Variants in LINGO2 observed in about 807,000 individuals in gnomAD.
The protein encoded by LINGO2 is leucine rich repeat and Ig domain containing 2, also known as leucine-rich repeat and immunoglobulin-like domain-containing nogo receptor-interacting protein 2.
Under a neutral mutation model 30.6 loss-of-function variants are expected in LINGO2, and 14 were observed. The ratio of observed to expected loss-of-function variants is 0.46; its 90% CI spans 0.30 to 0.72. The LOEUF is 0.72. Ranked by LOEUF, LINGO2 falls within the 30% of genes least tolerant of loss-of-function variation. LINGO2 has a pLI of 0.07. For synonymous variants in LINGO2, 317 were observed against 288.5 expected, an observed-to-expected ratio of 1.10 and a Z score of -1.00; for missense variants, 729 against 751.7, an observed-to-expected ratio of 0.97 and a Z score of 0.35.
At chr9:28,698,371 A>G in the LINGO2 span, among the ~76,000 whole-genome samples, 1 of 152,038 alleles carries the variant, frequency 6.6e-6, no homozygotes, top group Non-Finnish European at 1.5e-5. Flanking sequence ...TATCTTTTCA[A>G]TGGAACTAGA....
At chr9:28,257,399 G>T (rs1414712107) in intron 4 of LINGO2, among the ~76,000 whole-genome samples, 1 of 151,778 alleles carries the variant, frequency 6.6e-6, no homozygotes, top group Non-Finnish European at 1.5e-5. Context: ...GTCCGCAGGA[G>T]AGTAGTCCTT....
At chr9:28,003,384 T>TAGAG (rs199644965) in intron 5 of LINGO2, among the ~76,000 whole-genome samples, 1 of 142,152 alleles carries the variant, frequency 7.0e-6, no homozygotes, top group Non-Finnish European at 1.5e-5. Flanking sequence ...GATAGATAGA[T>TAGAG]ATAGAGAGAG....
At chr9:28,574,174 G>A (rs918276080) in intron 1 of LINGO2, among the ~76,000 whole-genome samples, 3 of 152,164 alleles carry the variant, frequency 2.0e-5, no homozygotes, top group African/African-American at 7.2e-5. Context: ...ATGTGAGTGT[G>A]TGTGAGAAAC....
intron 2 of LINGO2, among the ~76,000 whole-genome samples, chr9:28,442,079 T>A (rs1395802931): frequency 6.6e-6 from 1 of 152,148 alleles, no homozygotes; most frequent in African/African-American, 2.4e-5. Context: ...TTTAGTGTTT[T>A]GCCTGTGATC....
the LINGO2 span, among the ~76,000 whole-genome samples, chr9:28,705,878 A>G: frequency 6.6e-5 from 10 of 152,056 alleles, no homozygotes; most frequent in Non-Finnish European, 1.0e-4. Context: ...TTTGGAGGGC[A>G]TAAGTTTGCT....
chr9:28,083,207 T>C (rs1825820907), intron 4 of LINGO2, among the ~76,000 whole-genome samples: 1 of 152,226 alleles, frequency 6.6e-6, no homozygotes, highest in Admixed American at 6.6e-5. Context: ...GACATCCCTG[T>C]GGGCAGGAAG....
Position 27,986,252 on chromosome 9 carries a change from A to AACACAC in LINGO2, c.-36+26097_-36+26102dup, listed in dbSNP as rs144531403. 5.3e-5 allele frequency among the ~76,000 whole-genome samples: 8 copies of AACACAC among 150,326 alleles called. No homozygotes were observed. In the South Asian group the frequency reaches 1.3e-3, roughly 23 times the overall value. ...TTCCAGTGACCACATTCCCCAACTC[A>AACACAC]ACACACACACACACACAGAGCAGTT... On this transcript the variant is annotated intron_variant, in intron 5 of 5. Coordinates refer to ENST00000379992, the Ensembl canonical transcript of LINGO2.
the LINGO2 span, among the ~76,000 whole-genome samples, chr9:29,190,772 T>C: frequency 1.3e-5 from 2 of 152,176 alleles, no homozygotes; most frequent in African/African-American, 4.8e-5. Flanking sequence ...AATAAGACAA[T>C]TTTAAAATTA....
intron 4 of LINGO2, among the ~76,000 whole-genome samples, chr9:28,268,473 G>A (rs553387990): frequency 6.6e-6 from 1 of 152,138 alleles, no homozygotes; most frequent in Admixed American, 6.6e-5. Flanking sequence ...TGCATTTATT[G>A]ATTCAGGTGG....
chr9:28,674,944 T>G (rs1829160718), upstream of LINGO2, among the ~76,000 whole-genome samples: 2 of 152,100 alleles, frequency 1.3e-5, no homozygotes, highest in Non-Finnish European at 1.5e-5. Context: ...TACACTACAT[T>G]GGGGAAAGAC....
chr9:28,889,447 T>A, the LINGO2 span, among the ~76,000 whole-genome samples: 429 of 146,926 alleles, frequency 2.9e-3, 2 homozygotes, highest in African/African-American at 9.3e-3. Flanking sequence ...GTTTTTTTTT[T>A]AATTTTAAAA....
chr9:28,618,929 G>A (rs534184442), intron 1 of LINGO2, among the ~76,000 whole-genome samples: 1 of 152,114 alleles, frequency 6.6e-6, no homozygotes, highest in Non-Finnish European at 1.5e-5. Context: ...TACCTGTCAG[G>A]CTTGGACTAG....
chr9:28,299,714 G>A (rs1177116771), intron 3 of LINGO2, among the ~76,000 whole-genome samples: 1 of 152,072 alleles, frequency 6.6e-6, no homozygotes, highest in Non-Finnish European at 1.5e-5. Flanking sequence ...TTTCAATGCA[G>A]TTAATTGATA....
the LINGO2 span, among the ~76,000 whole-genome samples, chr9:28,966,712 C>T: frequency 6.6e-6 from 1 of 152,030 alleles, no homozygotes; most frequent in African/African-American, 2.4e-5. Context: ...TAGACCACAT[C>T]GCCTCCCATG....
At chr9:29,119,076 G>A in the LINGO2 span, among the ~76,000 whole-genome samples, 1 of 152,112 alleles carries the variant, frequency 6.6e-6, no homozygotes, top group African/African-American at 2.4e-5. Context: ...GAAGCAACCT[G>A]TGACCTAGTA....
chr9:28,794,184 G>C, the LINGO2 span, among the ~76,000 whole-genome samples: 2 of 152,078 alleles, frequency 1.3e-5, no homozygotes, highest in East Asian at 3.9e-4. Flanking sequence ...GGCGCCTGTA[G>C]TCCCAGCTAC....
upstream of LINGO2, among the ~76,000 whole-genome samples, chr9:28,672,079 A>G (rs1351929308): frequency 6.6e-6 from 1 of 152,144 alleles, no homozygotes; most frequent in Non-Finnish European, 1.5e-5. Flanking sequence ...TAGAGTGAAT[A>G]ACATGTCCTA....
chr9:28,851,160 A>G, the LINGO2 span, among the ~76,000 whole-genome samples: 3 of 152,070 alleles, frequency 2.0e-5, no homozygotes, highest in Admixed American at 2.0e-4. Flanking sequence ...AACAAGTTAC[A>G]AGATATTTAG....
At chr9:28,626,539 GT>G (rs1826686793) in intron 1 of LINGO2, among the ~76,000 whole-genome samples, 1 of 152,002 alleles carries the variant, frequency 6.6e-6, no homozygotes, top group South Asian at 2.1e-4. Flanking sequence ...ACAAATTAAA[GT>G]TTGAGGTTCA....
Sources: allele counts gnomAD v4.1 joint callset (sites outside exome capture counted in the v4.1 genomes callset), GRCh38; gene constraint gnomAD v4.1.1; transcripts MANE v1.5; gene names NCBI Gene and HGNC (gene_info 2026-07-23, HGNC 2026-07-21).